MTX3: variants seen among roughly 807,000 people sequenced by gnomAD.
MTX3 encodes the protein metaxin 3.
Under a neutral mutation model 42.5 loss-of-function variants are expected in MTX3, and 27 were observed. The ratio of observed to expected loss-of-function variants is 0.64; its 90% CI spans 0.47 to 0.88. The LOEUF (loss-of-function observed/expected upper bound fraction) is 0.88, where lower values mean the gene tolerates loss of function less well. Ranked by LOEUF, MTX3 falls within the 40% of genes least tolerant of loss-of-function variation. MTX3 has a pLI of 0.00. For synonymous variants in MTX3, 144 were observed against 132.9 expected, an observed-to-expected ratio of 1.08 and a Z score of -0.57; for missense variants, 378 against 367.0, an observed-to-expected ratio of 1.03 and a Z score of -0.25.
intron 7 of MTX3, among the ~76,000 whole-genome samples, chr5:79,985,947 A>AG (rs1831480976): frequency 6.6e-6 from 1 of 151,062 alleles, no homozygotes; most frequent in Non-Finnish European, 1.5e-5. Context: ...TTTGAAAAAA[A>AG]AAGCACAGTA....
rs1451076842 is a variant in MTX3, at chr5:79,982,891, C to T, written c.*793G>A. 2 of 154,630 alleles carry T rather than the reference C, an allele frequency of 1.3e-5. No individual in the cohort carries two copies. Among genetic ancestry groups the T allele is most frequent in the East Asian group, 3.8e-4 (2 of 5,256 alleles). The allele number at this position is 154,630 out of a possible 1,614,324, so 9.6% of individuals were successfully genotyped here. ...CCTAGCATAGTAACGATAACCAGTACATTCACTTCTTCTGGAATTAATACA... is the reference window on the plus strand; with the variant it reads ...CCTAGCATAGTAACGATAACCAGTATATTCACTTCTTCTGGAATTAATACA... On this transcript the variant is annotated 3_prime_UTR_variant, in exon 9 of 9. Coordinates refer to ENST00000512528, the MANE Select transcript of MTX3 (RefSeq NM_001363818.2).
chr5:79,987,678 T>A (rs1233520559), intron 6 of MTX3, among the ~76,000 whole-genome samples: 1 of 152,220 alleles, frequency 6.6e-6, no homozygotes, highest in Non-Finnish European at 1.5e-5. Flanking sequence ...TCATTTTTAC[T>A]CACAAATGTT....
rs1831368623 is a variant in MTX3 at position 79,981,335 on chromosome 5, A to T, written c.*2349T>A. On this transcript the variant is annotated 3_prime_UTR_variant, in exon 9 of 9. Coordinates refer to ENST00000512528, the MANE Select transcript of MTX3 (RefSeq NM_001363818.2). ...AACTCTCACTAAACTCACATGTTGC[A>T]TCTTAGAAAAGGTGATCTGGAAGCA... The T allele has an allele frequency of 6.6e-6, 1 of 152,230 alleles. No individual in the cohort carries two copies. Among genetic ancestry groups the T allele is most frequent in the South Asian group, 2.1e-4 (1 of 4,834 alleles). The allele number at this position is 152,230 out of a possible 1,614,324, so 9.4% of individuals were successfully genotyped here. A position where few individuals can be genotyped will look rare whatever the true frequency, so the allele number is the denominator to read the frequency against.
At position 79,976,885 on chromosome 5, in the gene MTX3, T is replaced by G. The variant is rs1381389780; in HGVS notation, c.*6799A>C. ...AAAATATATTCACACTCGGCAAGGC[T>G]AGAATATTGAAATTATGGCCAACAT... On this transcript the variant is annotated 3_prime_UTR_variant, in exon 9 of 9. Transcript: ENST00000512528. 1.3e-5 allele frequency: 2 copies of G among 152,766 alleles called. No individual in the cohort carries two copies. Among genetic ancestry groups the G allele is most frequent in the East Asian group, 3.9e-4 (2 of 5,186 alleles). The allele number at this position is 152,766 out of a possible 1,614,324, so 9.5% of individuals were successfully genotyped here.
intron 1 of MTX3, 128 bp downstream of exon 1, chr5:79,991,030 G>T: frequency 1.0e-6 from 1 of 1,002,908 alleles, no homozygotes; most frequent in Non-Finnish European, 1.5e-6. Context: ...AGGGAGCCCA[G>T]GGCAATGCAG....
At chr5:79,990,315 C>A in intron 2 of MTX3, 79 bp from the exon 3 acceptor site, 1 of 986,084 alleles carries the variant, frequency 1.0e-6, no homozygotes. Context: ...AAAACTATAG[C>A]AGTTGCACAT....
Position 79,990,679 on chromosome 5 carries a change from CA to C in MTX3, c.82-17del, listed in dbSNP as rs770287817. On this transcript the variant is annotated splice_polypyrimidine_tract_variant and intron_variant, in intron 1 of 8. Transcript: ENST00000512528. ...TGGCATAAGCCTGAAACAGAGTTTGCAATCAAACATTTTAGACCAAGTGCGT... is the reference window on the plus strand; with the variant it reads ...TGGCATAAGCCTGAAACAGAGTTTGCATCAAACATTTTAGACCAAGTGCGT... 1 of 1,604,222 alleles carries C rather than the reference CA, an allele frequency of 6.2e-7. No homozygotes were observed. Among genetic ancestry groups the C allele is most frequent in the African/African-American group, 1.3e-5 (1 of 74,856 alleles).
rs1831307611 is a variant in MTX3 at position 79,978,613 on chromosome 5, C to T, written c.*5071G>A. On this transcript the variant is annotated 3_prime_UTR_variant, in exon 9 of 9. Coordinates refer to ENST00000512528, the MANE Select transcript of MTX3 (RefSeq NM_001363818.2). ...CTCAAGAAAACAAAAACAAGAAATC[C>T]ATATTAAAATAAATTAGGGAAATGA... 1 of 152,014 alleles carries T rather than the reference C, an allele frequency of 6.6e-6. No homozygotes were observed. The allele number at this position is 152,014 out of a possible 1,614,324, so 9.4% of individuals were successfully genotyped here. A position where few individuals can be genotyped will look rare whatever the true frequency, so the allele number is the denominator to read the frequency against.
chr5:79,986,886 AT>A, intron 7 of MTX3, 63 bp downstream of exon 7: 7 of 1,478,406 alleles, frequency 4.7e-6, no homozygotes, highest in Non-Finnish European at 6.5e-6. Flanking sequence ...TAAGTAGTGG[AT>A]TTTGCTTATA....
intron 4 of MTX3, 108 bp from the exon 5 acceptor site, chr5:79,988,752 T>C (rs1248170163): frequency 1.9e-6 from 2 of 1,046,914 alleles, no homozygotes; most frequent in South Asian, 3.4e-5. Flanking sequence ...AGTGTCTTCA[T>C]ACAAATTTTC....
rs953752924 is a variant in MTX3, at chr5:79,980,286, T to G, written c.*3398A>C. 1.3e-5 allele frequency: 2 copies of G among 152,196 alleles called. No individual in the cohort carries two copies. The highest frequency in any genetic ancestry group is 2.4e-5 in the African/African-American group (1 of 41,450). The allele number at this position is 152,196 out of a possible 1,614,324, so 9.4% of individuals were successfully genotyped here. A position where few individuals can be genotyped will look rare whatever the true frequency, so the allele number is the denominator to read the frequency against. ...TACCTGTTTCTGCCTCTTTCAATGG[T>G]GTTTTTCCATTTTTACAGACTTCTG... On this transcript the variant is annotated 3_prime_UTR_variant, in exon 9 of 9. Transcript: ENST00000512528.
Position 79,991,228 on chromosome 5 carries a change from G to C in MTX3, c.11C>G (p.Pro4Arg). The C allele has an allele frequency of 6.9e-7, 1 of 1,458,528 alleles. No individual in the cohort carries two copies. Among genetic ancestry groups the C allele is most frequent in the Non-Finnish European group, 9.1e-7 (1 of 1,101,508 alleles). 90.3% of individuals were successfully genotyped at this position (1,458,528 alleles called of 1,614,324 possible). The change falls in exon 1 of 9, where the codon CCC (proline) becomes CGC (arginine). Residue 4 changes from proline to arginine, a missense_variant. Coordinates refer to ENST00000512528, the MANE Select transcript of MTX3 (RefSeq NM_001363818.2). ...GCCTCCCCAGCAACTGAGTTCCAAG[G>C]GGGCCGCCATCTTGCGCGGGCCGAC... MAA[P>R]LELSCWGGGW... is the part of the protein sequence containing the mutation.
Position 79,982,223 on chromosome 5 carries a change from T to C in MTX3, c.*1461A>G. 3.2e-6 allele frequency: 1 copy of C among 307,910 alleles called. No individual in the cohort carries two copies. The highest frequency in any genetic ancestry group is 6.4e-6 in the Non-Finnish European group (1 of 156,142). The allele number at this position is 307,910 out of a possible 1,614,324, so 19.1% of individuals were successfully genotyped here. A position where few individuals can be genotyped will look rare whatever the true frequency, so the allele number is the denominator to read the frequency against. On this transcript the variant is annotated 3_prime_UTR_variant, in exon 9 of 9. Coordinates refer to ENST00000512528, the MANE Select transcript of MTX3 (RefSeq NM_001363818.2). Reference sequence around the variant, plus strand: ...GATGACCAAGATTTTGAAGACTACCTTATTTCTCACTTAGTTAAAACTTTC... The same window carrying C: ...GATGACCAAGATTTTGAAGACTACCCTATTTCTCACTTAGTTAAAACTTTC...
intron 7 of MTX3, 134 bp downstream of exon 7, chr5:79,986,816 A>T: frequency 1.3e-6 from 1 of 776,796 alleles, no homozygotes; most frequent in Non-Finnish European, 2.0e-6. Flanking sequence ...GAAAAACACA[A>T]ATCCTTGAAG....
In MTX3 at chr5:79,983,679, T is replaced by TACTC; in HGVS notation, c.*1_*4dup. 1 of 1,603,596 alleles carries TACTC rather than the reference T, an allele frequency of 6.2e-7. No homozygotes were observed. The highest frequency in any genetic ancestry group is 8.5e-7 in the Non-Finnish European group (1 of 1,170,342). ...TTTGACTTTGGCCACAAACCATGAC[T>TACTC]ACTCTCAGGGCGAAAGCCGTTGGAA... On this transcript the variant is annotated 3_prime_UTR_variant, in exon 9 of 9. Transcript: ENST00000512528.
At chr5:79,983,827 T>C (rs1831428128) in intron 8 of MTX3, 33 bp from the exon 9 acceptor site, 1 of 1,452,866 alleles carries the variant, frequency 6.9e-7, no homozygotes, top group Non-Finnish European at 9.6e-7. Context: ...ATCTGACTAA[T>C]GCTGTGGCAC....
rs1297338217 is a variant in MTX3 at position 79,979,611 on chromosome 5, G to C, written c.*4073C>G. The C allele has an allele frequency of 6.6e-6, 1 of 152,160 alleles. No individual in the cohort carries two copies. Among genetic ancestry groups the C allele is most frequent in the African/African-American group, 2.4e-5 (1 of 41,452 alleles). The allele number at this position is 152,160 out of a possible 1,614,324, so 9.4% of individuals were successfully genotyped here. ...GAGAGAGAACAAGTACAAGGCACGG[G>C]AGAACTACCATGTCAAGGGACAGAG... On this transcript the variant is annotated 3_prime_UTR_variant, in exon 9 of 9. Transcript: ENST00000512528.
At position 79,977,934 on chromosome 5, in the gene MTX3, G is replaced by C. The variant is rs939319481; in HGVS notation, c.*5750C>G. On this transcript the variant is annotated 3_prime_UTR_variant, in exon 9 of 9. Coordinates refer to ENST00000512528, the MANE Select transcript of MTX3 (RefSeq NM_001363818.2). ...TTGGAAAATTGTTCTGGAAATACAA[G>C]TTGGTTCCCTCTGTCTCATGGATGC... The C allele has an allele frequency of 2.0e-5, 3 of 152,192 alleles. No homozygotes were observed. The highest frequency in any genetic ancestry group is 4.4e-5 in the Non-Finnish European group (3 of 68,038). The allele number at this position is 152,192 out of a possible 1,614,324, so 9.4% of individuals were successfully genotyped here. A position where few individuals can be genotyped will look rare whatever the true frequency, so the allele number is the denominator to read the frequency against.
chr5:79,986,760 T>C (rs1410969473), intron 7 of MTX3, 190 bp downstream of exon 7: 5 of 601,782 alleles, frequency 8.3e-6, no homozygotes, highest in East Asian at 5.9e-5. Context: ...CAAATATCTA[T>C]TTATCTATTT....
Sources: allele counts gnomAD v4.1 joint callset (sites outside exome capture counted in the v4.1 genomes callset), GRCh38; gene constraint gnomAD v4.1.1; transcripts MANE v1.5; gene names NCBI Gene and HGNC (gene_info 2026-07-23, HGNC 2026-07-21).